Variants in CHST15 observed in about 807,000 individuals in gnomAD.
The protein encoded by CHST15 is carbohydrate sulfotransferase 15.
In CHST15, 30 loss-of-function variants were observed where a neutral mutation model predicts 53.6. The observed-to-expected ratio is 0.56, with a 90% CI of 0.42 to 0.76. CHST15 has a LOEUF of 0.76. CHST15 is among the 30% of genes least tolerant of loss of function. CHST15 has a pLI of 0.00. For missense variants in CHST15, 627 were observed against 740.5 expected (o/e 0.85, Z 1.78); for synonymous variants, 296 against 289.8 (o/e 1.02, Z -0.22).
At chr10:124,025,030 T>C (rs1176330004) in intron 5 of CHST15, among the ~76,000 whole-genome samples, 1 of 152,258 alleles carries the variant, frequency 6.6e-6, no homozygotes, top group Admixed American at 6.5e-5. Flanking sequence ...ATCACATAAA[T>C]TACCTCACAC....
intron 5 of CHST15, among the ~76,000 whole-genome samples, chr10:124,026,845 G>A (rs544074567): frequency 1.9e-4 from 29 of 152,276 alleles, no homozygotes; most frequent in South Asian, 2.1e-4. Context: ...CAGAAGGTTC[G>A]GGAAGAAAGC....
intron 1 of CHST15, among the ~76,000 whole-genome samples, chr10:124,064,572 G>A (rs938765051): frequency 2.0e-5 from 3 of 152,042 alleles, no homozygotes; most frequent in Non-Finnish European, 4.4e-5. Context: ...CTTTGGGCAG[G>A]TCCCCCAAGC....
chr10:124,075,698 G>A (rs1409231799), intron 1 of CHST15, among the ~76,000 whole-genome samples: 2 of 152,126 alleles, frequency 1.3e-5, no homozygotes, highest in Non-Finnish European at 2.9e-5. Context: ...TGAAAAGTCC[G>A]GGCTTTCCTT....
chr10:124,051,412 G>A (rs547793947), intron 1 of CHST15, among the ~76,000 whole-genome samples: 4 of 152,246 alleles, frequency 2.6e-5, no homozygotes, highest in South Asian at 2.1e-4. Context: ...GGCCTTTTCC[G>A]TAGGCCACAA....
At chr10:124,079,168 A>C (rs1048084656) in intron 1 of CHST15, among the ~76,000 whole-genome samples, 1 of 152,246 alleles carries the variant, frequency 6.6e-6, no homozygotes, top group Non-Finnish European at 1.5e-5. Context: ...AAATGTAGAA[A>C]AATTTATGTT....
chr10:124,038,785 G>A, intron 4 of CHST15, 114 bp from the exon 5 acceptor site: 1 of 1,106,806 alleles, frequency 9.0e-7, no homozygotes. Flanking sequence ...AGCAGCGGGA[G>A]AGGCCAAGCT....
intron 1 of CHST15, among the ~76,000 whole-genome samples, chr10:124,052,879 A>T (rs1337080247): frequency 6.6e-6 from 1 of 152,146 alleles, no homozygotes; most frequent in African/African-American, 2.4e-5. Flanking sequence ...ACTAAAAATA[A>T]AAAATTTGTC....
At chr10:124,093,266 G>GCCACCA (rs1185419498) in intron 1 of CHST15, among the ~76,000 whole-genome samples, 1 of 151,556 alleles carries the variant, frequency 6.6e-6, no homozygotes, top group Non-Finnish European at 1.5e-5. Flanking sequence ...CACCGCCACC[G>GCCACCA]CCACCACCGC....
At chr10:124,011,851 T>C in intron 7 of CHST15, 1 of 985,406 alleles carries the variant, frequency 1.0e-6, no homozygotes, top group Non-Finnish European at 1.2e-6. Context: ...GATCTGTCTG[T>C]TCCCTCCTCT....
Position 124,009,086 on chromosome 10 carries a change from G to C in CHST15, c.*1063C>G. On this transcript the variant is annotated 3_prime_UTR_variant, in exon 8 of 8. Transcript: ENST00000435907. The stretch of plus-strand genomic sequence containing the variant: ...AGGAACTTTGACCACACGCAGTGGA[G>C]AATGTGGAAATAAACTATTTCCAAT... 6 of 1,271,600 alleles carry C rather than the reference G, an allele frequency of 4.7e-6. No homozygotes were observed. The highest frequency in any genetic ancestry group is 6.2e-6 in the Non-Finnish European group (6 of 974,340). 78.8% of individuals were successfully genotyped at this position (1,271,600 alleles called of 1,614,324 possible). A position where few individuals can be genotyped will look rare whatever the true frequency, so the allele number is the denominator to read the frequency against.
At chr10:124,028,051 G>A (rs1947079347) in intron 5 of CHST15, among the ~76,000 whole-genome samples, 1 of 152,234 alleles carries the variant, frequency 6.6e-6, no homozygotes, top group African/African-American at 2.4e-5. Flanking sequence ...TAAGTCACAG[G>A]AGACTGATAA....
At chr10:124,045,120 A>AC (rs1947923498) in intron 2 of CHST15, among the ~76,000 whole-genome samples, 10 of 62,326 alleles carry the variant, frequency 1.6e-4, no homozygotes, top group African/African-American at 5.5e-4. Flanking sequence ...CACAAAAAAA[A>AC]AAAAAAAAAA....
At chr10:124,035,816 C>T (rs1253711580) in intron 5 of CHST15, among the ~76,000 whole-genome samples, 1 of 152,194 alleles carries the variant, frequency 6.6e-6, no homozygotes, top group Non-Finnish European at 1.5e-5. Context: ...AGGTCAGTTC[C>T]TTCTGGATCT....
At chr10:124,018,315 A>C (rs1946655076) in intron 6 of CHST15, among the ~76,000 whole-genome samples, 1 of 152,246 alleles carries the variant, frequency 6.6e-6, no homozygotes, top group East Asian at 1.9e-4. Context: ...TTTTGTTTGT[A>C]ATTACAGTTG....
chr10:124,050,142 G>A (rs1948139878), intron 1 of CHST15, among the ~76,000 whole-genome samples: 1 of 152,186 alleles, frequency 6.6e-6, no homozygotes, highest in African/African-American at 2.4e-5. Context: ...TACTCAGTAA[G>A]ATGGACAAGC....
intron 1 of CHST15, among the ~76,000 whole-genome samples, chr10:124,073,027 G>T (rs1948969821): frequency 6.6e-6 from 1 of 152,170 alleles, no homozygotes; most frequent in Admixed American, 6.5e-5. Flanking sequence ...AACGGTAAAT[G>T]AGTACAATTG....
intron 1 of CHST15, among the ~76,000 whole-genome samples, chr10:124,086,380 C>T (rs1357708148): frequency 6.6e-6 from 1 of 152,238 alleles, no homozygotes; most frequent in African/African-American, 2.4e-5. Flanking sequence ...AGGAAGCTCC[C>T]CTGTGTAACT....
chr10:124,064,372 T>C (rs1002688273), intron 1 of CHST15, among the ~76,000 whole-genome samples: 37 of 152,238 alleles, frequency 2.4e-4, no homozygotes, highest in African/African-American at 8.7e-4. Flanking sequence ...GCCTGTGTGA[T>C]GGCCTCCCCA....
chr10:124,087,112 T>C (rs1271373303), intron 1 of CHST15, among the ~76,000 whole-genome samples: 1 of 152,206 alleles, frequency 6.6e-6, no homozygotes, highest in Non-Finnish European at 1.5e-5. Flanking sequence ...CAGACCACTT[T>C]CGTGGAAGGG....
Sources: gnomAD v4.1 joint callset for allele counts (sites outside exome capture counted in the v4.1 genomes callset) on GRCh38, gnomAD v4.1.1 for gene constraint, MANE v1.5 for transcripts, NCBI Gene and HGNC (gene_info 2026-07-23, HGNC 2026-07-21) for gene names.